Variants in PBX3 observed in about 807,000 individuals in gnomAD.
PBX3 encodes pre-B-cell leukemia transcription factor 3.
A neutral mutation model predicts 48.5 loss-of-function variants in PBX3; 14 were observed. The observed-to-expected ratio is 0.29, with a 90% CI of 0.19 to 0.45. The LOEUF is 0.45. PBX3 is among the 20% of genes least tolerant of loss of function. The pLI, the probability that PBX3 is intolerant of heterozygous loss-of-function variation, is 1.00. For synonymous variants in PBX3, 210 were observed against 200.3 expected (o/e 1.05, Z -0.41); for missense variants, 386 against 546.7 (o/e 0.71, Z 2.93).
chr9:125,778,380 C>T (rs986319020), intron 2 of PBX3, among the ~76,000 whole-genome samples: 5 of 151,998 alleles, frequency 3.3e-5, no homozygotes, highest in Admixed American at 3.3e-4. Flanking sequence ...GCCTCAGCCT[C>T]CCGAATAGCT....
At chr9:125,840,516 TC>T (rs1459587181) in intron 2 of PBX3, among the ~76,000 whole-genome samples, 2 of 151,712 alleles carry the variant, frequency 1.3e-5, no homozygotes. Context: ...ACACCTTCCA[TC>T]CCTTAGCTAT....
chr9:125,834,587 G>A (rs1358721784), intron 2 of PBX3, among the ~76,000 whole-genome samples: 1 of 151,314 alleles, frequency 6.6e-6, no homozygotes, highest in African/African-American at 2.4e-5. Flanking sequence ...AGTAGAGACG[G>A]GGGTTGCGCC....
intron 3 of PBX3, among the ~76,000 whole-genome samples, chr9:125,919,980 A>G (rs2132481493): frequency 6.6e-6 from 1 of 152,304 alleles, no homozygotes; most frequent in African/African-American, 2.4e-5. Context: ...TCTCTATTAC[A>G]TAGGCTCAGA....
intron 5 of PBX3, among the ~76,000 whole-genome samples, chr9:125,947,429 A>G (rs1588328973): frequency 6.6e-6 from 1 of 152,186 alleles, no homozygotes; most frequent in Non-Finnish European, 1.5e-5. Flanking sequence ...AAAAGTACCA[A>G]TTAGTGAAAA....
At chr9:125,842,331 G>A (rs1262893287) in intron 2 of PBX3, among the ~76,000 whole-genome samples, 1 of 152,112 alleles carries the variant, frequency 6.6e-6, no homozygotes, top group African/African-American at 2.4e-5. Context: ...TTCTGGCTCT[G>A]ACACTCAATT....
intron 2 of PBX3, among the ~76,000 whole-genome samples, chr9:125,755,313 C>T (rs1430968916): frequency 6.6e-6 from 1 of 152,070 alleles, no homozygotes; most frequent in African/African-American, 2.4e-5. Flanking sequence ...AAATTATCTG[C>T]AACAGTCTAA....
intron 3 of PBX3, among the ~76,000 whole-genome samples, chr9:125,922,953 G>A (rs1044171244): frequency 2.0e-5 from 3 of 152,176 alleles, no homozygotes; most frequent in African/African-American, 7.2e-5. Context: ...AGAGTAATGA[G>A]CTAAAGTGCA....
At chr9:125,750,456 A>G (rs1280747487) in intron 2 of PBX3, among the ~76,000 whole-genome samples, 1 of 152,214 alleles carries the variant, frequency 6.6e-6, no homozygotes, top group Non-Finnish European at 1.5e-5. Flanking sequence ...GCTTATTTGC[A>G]CAGGACTTAG....
intron 2 of PBX3, among the ~76,000 whole-genome samples, chr9:125,829,573 G>A (rs542974046): frequency 5.3e-5 from 8 of 152,228 alleles, no homozygotes; most frequent in African/African-American, 1.9e-4. Context: ...ACTCATTATA[G>A]GAGATGAGTA....
At chr9:125,948,698 G>A (rs1433233674) in intron 5 of PBX3, among the ~76,000 whole-genome samples, 1 of 119,028 alleles carries the variant, frequency 8.4e-6, no homozygotes, top group Non-Finnish European at 1.8e-5. Flanking sequence ...ATATGTGCAG[G>A]TATATACGTG....
chr9:125,942,657 T>TATGCAAGTA (rs1841980655), intron 5 of PBX3, among the ~76,000 whole-genome samples: 1 of 152,212 alleles, frequency 6.6e-6, no homozygotes. Flanking sequence ...AAGTATGCAG[T>TATGCAAGTA]TGGTAAACCA....
At chr9:125,914,866 G>A (rs1369597933) in intron 2 of PBX3, among the ~76,000 whole-genome samples, 1 of 152,216 alleles carries the variant, frequency 6.6e-6, no homozygotes, top group African/African-American at 2.4e-5. Flanking sequence ...TTGGCAGAAA[G>A]CCTGTGTGAC....
At chr9:125,798,917 A>G (rs1218107746) in intron 2 of PBX3, among the ~76,000 whole-genome samples, 1 of 152,032 alleles carries the variant, frequency 6.6e-6, no homozygotes, top group Non-Finnish European at 1.5e-5. Flanking sequence ...AATAATATAT[A>G]CATATATAAG....
chr9:125,767,064 C>T (rs1267156688), intron 2 of PBX3, among the ~76,000 whole-genome samples: 2 of 152,138 alleles, frequency 1.3e-5, no homozygotes, highest in Non-Finnish European at 2.9e-5. Flanking sequence ...TGCTGTCGCT[C>T]ATCAGGTGGA....
At chr9:125,928,252 G>T (rs1320876051) in intron 3 of PBX3, among the ~76,000 whole-genome samples, 1 of 151,882 alleles carries the variant, frequency 6.6e-6, no homozygotes, top group South Asian at 2.1e-4. Context: ...GGTGGCACAT[G>T]CCTGTCGTCA....
At chr9:125,799,462 T>C (rs898478924) in intron 2 of PBX3, among the ~76,000 whole-genome samples, 4 of 152,222 alleles carry the variant, frequency 2.6e-5, no homozygotes, top group Non-Finnish European at 5.9e-5. Context: ...GCCATGGTTG[T>C]GCCACTGCAC....
intron 5 of PBX3, among the ~76,000 whole-genome samples, chr9:125,956,883 A>C (rs1421005191): frequency 6.6e-6 from 1 of 152,152 alleles, no homozygotes; most frequent in East Asian, 1.9e-4. Context: ...GCTCGCCTTC[A>C]TGCACTGCGC....
In PBX3 at chr9:125,960,807, G is replaced by T. The variant is rs746779624; in HGVS notation, c.967G>T (p.Val323Leu). 1 of 1,614,074 alleles carries T rather than the reference G, an allele frequency of 6.2e-7. No homozygotes were observed. The highest frequency in any genetic ancestry group is 1.3e-5 in the African/African-American group (1 of 74,936). ...VTAAHAVAAAVQNNQTNSPTT... is the reference protein window; with the variant it reads ...VTAAHAVAAALQNNQTNSPTT... ...AGCTGCACACGCAGTAGCAGCAGCT[G>T]TGCAGAACAACCAGACCAATTCGCC... Residue 323 changes from valine (V) to leucine (L), a missense_variant, in exon 6 of 9, where the codon GTG becomes TTG. Transcript: ENST00000373489.
At chr9:125,783,437 G>A (rs980562247) in intron 2 of PBX3, among the ~76,000 whole-genome samples, 4 of 151,926 alleles carry the variant, frequency 2.6e-5, no homozygotes, top group East Asian at 3.9e-4. Flanking sequence ...ACAGGTGTAC[G>A]CCACCATGCT....
Sources: allele counts gnomAD v4.1 joint callset (sites outside exome capture counted in the v4.1 genomes callset), GRCh38; gene constraint gnomAD v4.1.1; transcripts MANE v1.5; gene names NCBI Gene and HGNC (gene_info 2026-07-23, HGNC 2026-07-21).